IQGAP2: variants seen among roughly 807,000 people sequenced by gnomAD.
IQGAP2 encodes the protein ras GTPase-activating-like protein IQGAP2.
In IQGAP2, 173 loss-of-function variants were observed where a neutral mutation model predicts 201.3. The ratio of observed to expected loss-of-function variants is 0.86; its 90% CI spans 0.76 to 0.98. IQGAP2 has a LOEUF of 0.98. IQGAP2 is among the 50% of genes least tolerant of loss of function. The pLI is 0.00. For synonymous variants in IQGAP2, 675 were observed against 673.9 expected (o/e 1.00, Z -0.03); for missense variants, 1,687 against 1,864.8 (o/e 0.90, Z 1.76).
At chr5:76,665,847 A>G (rs1012358819) in intron 22 of IQGAP2, among the ~76,000 whole-genome samples, 1 of 152,208 alleles carries the variant, frequency 6.6e-6, no homozygotes, top group Non-Finnish European at 1.5e-5. Flanking sequence ...ACTAGCACAT[A>G]CAGCTAGTCA....
intron 1 of IQGAP2, among the ~76,000 whole-genome samples, chr5:76,419,139 T>TTTAG (rs1319367500): frequency 6.6e-6 from 1 of 152,038 alleles, no homozygotes; most frequent in African/African-American, 2.4e-5. Context: ...TATTTTAAAC[T>TTTAG]TTATTTATTT....
intron 1 of IQGAP2, among the ~76,000 whole-genome samples, chr5:76,451,716 A>AT (rs113621703): frequency 6.6e-5 from 10 of 151,976 alleles, no homozygotes; most frequent in Non-Finnish European, 1.2e-4. Flanking sequence ...CATTATTATT[A>AT]TTTTTTTTTC....
chr5:76,458,073 G>C (rs779522388), intron 1 of IQGAP2, among the ~76,000 whole-genome samples: 3 of 152,086 alleles, frequency 2.0e-5, no homozygotes, highest in Non-Finnish European at 2.9e-5. Flanking sequence ...TCCCTTCCTG[G>C]GCCCACTTAG....
At chr5:76,549,117 A>T (rs1743276778) in intron 2 of IQGAP2, among the ~76,000 whole-genome samples, 1 of 152,218 alleles carries the variant, frequency 6.6e-6, no homozygotes, top group African/African-American at 2.4e-5. Flanking sequence ...GTGAGCAGTA[A>T]AAACTACAAT....
At chr5:76,572,911 T>A (rs1745214572) in intron 4 of IQGAP2, among the ~76,000 whole-genome samples, 3 of 152,266 alleles carry the variant, frequency 2.0e-5, no homozygotes, top group Admixed American at 2.0e-4. Context: ...TTAATATAAT[T>A]GTGCTCATAT....
At chr5:76,684,059 C>A (rs569985945) in intron 30 of IQGAP2, 142 bp downstream of exon 30, 2 of 637,670 alleles carry the variant, frequency 3.1e-6, no homozygotes, top group Admixed American at 3.8e-5. Flanking sequence ...AACATCTAAC[C>A]AAAGGATAAT....
Position 76,681,089 on chromosome 5 carries a change from C to CA in IQGAP2, c.3661-1999dup, listed in dbSNP as rs34896356. Among the ~76,000 whole-genome samples, 188 of 52,964 alleles carry CA rather than the reference C, an allele frequency of 3.5e-3. 17 individuals are homozygous for CA. Among genetic ancestry groups the CA allele is most frequent in the African/African-American group, 3.7e-3 (46 of 12,296 alleles). 34.7% of individuals were successfully genotyped at this position (52,964 alleles called of 152,430 possible). On this transcript the variant is annotated intron_variant, in intron 28 of 35. Transcript: ENST00000274364. ...TGGGCAGCAGAGCGAGACTTTGTCT[C>CA]AAAAAAAAAAAAAAAAAAAAAAAAA...
In IQGAP2 at chr5:76,570,632, C is replaced by T. The variant is rs146065067; in HGVS notation, c.356C>T (p.Ala119Val). The change falls in exon 4 of 36, where the codon GCG becomes GTG. Residue 119 changes from alanine (A) to valine (V), a missense_variant. Physicochemically the swap from Ala to Val is moderately conservative, Grantham distance 64. Coordinates refer to ENST00000274364, the MANE Select transcript of IQGAP2 (RefSeq NM_006633.5). Reference protein sequence around the residue: ...HTDNTVQWLRAMESIGLPKIF... With the variant: ...HTDNTVQWLRVMESIGLPKIF... ...GATAATACCGTCCAGTGGTTAAGAG[C>T]GATGGAGTCTATTGGTCTACCCAAG... is the stretch of plus-strand genomic sequence containing the variant. The T allele has an allele frequency of 1.3e-5, 21 of 1,613,316 alleles. No individual in the cohort carries two copies. The highest frequency in any genetic ancestry group is 1.7e-5 in the Admixed American group (1 of 60,008).
intron 1 of IQGAP2, among the ~76,000 whole-genome samples, chr5:76,454,026 G>A (rs1753922038): frequency 1.3e-5 from 2 of 152,158 alleles, no homozygotes; most frequent in African/African-American, 4.8e-5. Flanking sequence ...ATAGGAGCAG[G>A]CAGTGGGCAA....
intron 1 of IQGAP2, among the ~76,000 whole-genome samples, chr5:76,405,290 T>TG (rs1322225504): frequency 6.6e-6 from 1 of 152,022 alleles, no homozygotes; most frequent in Non-Finnish European, 1.5e-5. Flanking sequence ...ATCAAGGGAG[T>TG]CCAGATCTGG....
At chr5:76,693,525 AGAGAAACT>A in intron 31 of IQGAP2, 83 bp downstream of exon 31, 1 of 906,228 alleles carries the variant, frequency 1.1e-6, no homozygotes, top group Non-Finnish European at 1.8e-6. Context: ...TTATTATCTC[AGAGAAACT>A]GTATCTGACA....
At position 76,511,455 on chromosome 5, in the gene IQGAP2, C is replaced by T. The variant is rs1757954011; in HGVS notation, c.146+49786C>T. 2.0e-5 allele frequency among the ~76,000 whole-genome samples: 3 copies of T among 152,192 alleles called. No individual in the cohort carries two copies. In the South Asian group the frequency reaches 6.2e-4, roughly 31 times the overall value. Reference sequence around the variant, plus strand: ...TCAGAAACCTGTTTCCTGCTCTCTCCTCCTGCAGATTTTCACTTAGGTGCC... The same window carrying T: ...TCAGAAACCTGTTTCCTGCTCTCTCTTCCTGCAGATTTTCACTTAGGTGCC... On this transcript the variant is annotated intron_variant, in intron 2 of 35. Coordinates refer to ENST00000274364, the MANE Select transcript of IQGAP2 (RefSeq NM_006633.5).
chr5:76,702,341 T>G, intron 34 of IQGAP2, 141 bp from the exon 35 acceptor site: 1 of 574,582 alleles, frequency 1.7e-6, no homozygotes, highest in Non-Finnish European at 3.1e-6. Context: ...AAAGATGACG[T>G]GAGGTTTTTG....
At position 76,596,758 on chromosome 5, in the gene IQGAP2, A is replaced by G. The variant is rs143385031; in HGVS notation, c.908-681A>G. ...AGAACTCACTATCATCCAGGGGGAA[A>G]TCCGCCCCCATGTTACAATCATCTT... On this transcript the variant is annotated intron_variant, in intron 9 of 35. Coordinates refer to ENST00000274364, the MANE Select transcript of IQGAP2 (RefSeq NM_006633.5). 1.2e-4 allele frequency among the ~76,000 whole-genome samples: 18 copies of G among 152,300 alleles called. No individual in the cohort carries two copies. The East Asian group carries it at 1.4e-3, about 11-fold the overall frequency.
chr5:76,542,536 A>G (rs150373297), intron 2 of IQGAP2, among the ~76,000 whole-genome samples: 51 of 152,352 alleles, frequency 3.3e-4, no homozygotes, highest in African/African-American at 1.2e-3. Flanking sequence ...TCCAACTTAT[A>G]TAAATAATCG....
intron 2 of IQGAP2, among the ~76,000 whole-genome samples, chr5:76,517,821 G>A (rs1758432365): frequency 6.6e-6 from 1 of 152,088 alleles, no homozygotes; most frequent in Non-Finnish European, 1.5e-5. Flanking sequence ...CCTATCTAAA[G>A]CACCTATTTT....
chr5:76,559,152 C>T (rs965415255), intron 2 of IQGAP2, among the ~76,000 whole-genome samples: 2 of 152,198 alleles, frequency 1.3e-5, no homozygotes, highest in East Asian at 1.9e-4. Flanking sequence ...CCGCCCGCCT[C>T]AGCCTCCCAA....
chr5:76,605,586 C>T (rs1275857248), intron 11 of IQGAP2, among the ~76,000 whole-genome samples: 2 of 152,136 alleles, frequency 1.3e-5, no homozygotes, highest in Non-Finnish European at 2.9e-5. Context: ...TCATGTGCCA[C>T]CTCTTCAGGA....
intron 22 of IQGAP2, among the ~76,000 whole-genome samples, 182 bp downstream of exon 22, chr5:76,665,357 C>A (rs765138389): frequency 2.6e-5 from 4 of 152,148 alleles, no homozygotes; most frequent in Middle Eastern, 3.2e-3. Context: ...CTTACCATAA[C>A]CCTGGGAGCC....
Sources: gnomAD v4.1 joint callset for allele counts (sites outside exome capture counted in the v4.1 genomes callset) on GRCh38, gnomAD v4.1.1 for gene constraint, MANE v1.5 for transcripts, NCBI Gene and HGNC (gene_info 2026-07-23, HGNC 2026-07-21) for gene names.